The following MMP26 variants were observed in gnomAD, a reference collection of about 807,000 sequenced individuals.
The protein encoded by MMP26 is matrix metalloproteinase-26.
In MMP26, 33 loss-of-function variants were observed where a neutral mutation model predicts 31.0. The ratio of observed to expected loss-of-function variants is 1.06; its 90% CI spans 0.81 to 1.42. The LOEUF (loss-of-function observed/expected upper bound fraction) is 1.42. Among genes scored for constraint, MMP26 ranks in the 40% most tolerant of loss-of-function variants. The probability of loss-of-function intolerance (pLI) is 0.00; values close to 1 mark genes in which losing one functional copy is unlikely to be tolerated. For synonymous variants in MMP26, 122 were observed against 114.9 expected (o/e 1.06, Z -0.40); for missense variants, 347 against 316.1 (o/e 1.10, Z -0.74).
intron 2 of MMP26, among the ~76,000 whole-genome samples, chr11:4,850,750 A>T (rs898808767): frequency 2.0e-5 from 3 of 151,794 alleles, no homozygotes; most frequent in African/African-American, 7.2e-5. Context: ...CTTTCAAGCT[A>T]AAAAAGGAAG....
intron 2 of MMP26, among the ~76,000 whole-genome samples, chr11:4,966,698 C>T (rs769524124): frequency 6.6e-6 from 1 of 152,060 alleles, no homozygotes. Flanking sequence ...GTCTTTTTTT[C>T]ATCAAGGAAA....
intron 2 of MMP26, among the ~76,000 whole-genome samples, chr11:4,970,434 C>T (rs1052520777): frequency 2.6e-5 from 4 of 152,192 alleles, no homozygotes; most frequent in Admixed American, 1.3e-4. Context: ...AGTCTATTTT[C>T]AGTTAACCCT....
chr11:4,828,000 A>T (rs1767647613), intron 2 of MMP26, among the ~76,000 whole-genome samples: 1 of 152,188 alleles, frequency 6.6e-6, no homozygotes, highest in Non-Finnish European at 1.5e-5. Flanking sequence ...AGGATGTGCC[A>T]TAAGGCAAAC....
At chr11:4,872,878 T>C (rs1361943335) in intron 2 of MMP26, among the ~76,000 whole-genome samples, 1 of 152,040 alleles carries the variant, frequency 6.6e-6, no homozygotes, top group Non-Finnish European at 1.5e-5. Context: ...ATTATTTAGA[T>C]AGACAGAATT....
intron 2 of MMP26, among the ~76,000 whole-genome samples, chr11:4,884,692 A>G (rs1472645001): frequency 6.6e-6 from 1 of 152,124 alleles, no homozygotes; most frequent in Admixed American, 6.6e-5. Context: ...GACTTTTCTA[A>G]AAGTTCACCT....
chr11:4,820,313 T>A (rs1374155247), intron 2 of MMP26, among the ~76,000 whole-genome samples: 1 of 152,202 alleles, frequency 6.6e-6, no homozygotes, highest in Admixed American at 6.5e-5. Context: ...CTTTGTTGAA[T>A]AATAATGATT....
chr11:4,883,201 G>A (rs144241769), intron 2 of MMP26, among the ~76,000 whole-genome samples: 2 of 149,672 alleles, frequency 1.3e-5, no homozygotes, highest in South Asian at 2.1e-4. Flanking sequence ...TAGACCAGAA[G>A]TAAATTAAAA....
intron 2 of MMP26, among the ~76,000 whole-genome samples, chr11:4,900,997 C>T (rs1267840339): frequency 6.6e-6 from 1 of 152,128 alleles, no homozygotes; most frequent in East Asian, 1.9e-4. Context: ...GGCATACCAA[C>T]TTTACTCATT....
chr11:4,785,634 T>C (rs887876169), intron 2 of MMP26, among the ~76,000 whole-genome samples: 6 of 152,230 alleles, frequency 3.9e-5, no homozygotes, highest in African/African-American at 1.2e-4. Flanking sequence ...TTACAAATCC[T>C]AATTCACTAT....
At chr11:4,851,914 A>G (rs1440663322) in intron 2 of MMP26, among the ~76,000 whole-genome samples, 1 of 152,184 alleles carries the variant, frequency 6.6e-6, no homozygotes, top group Non-Finnish European at 1.5e-5. Flanking sequence ...CTAACAGAAA[A>G]CAAATAGCAA....
chr11:4,975,350 T>C (rs1846722769), intron 2 of MMP26, among the ~76,000 whole-genome samples: 1 of 151,998 alleles, frequency 6.6e-6, no homozygotes, highest in African/African-American at 2.4e-5. Context: ...TGTCAAGTGG[T>C]CCAACTACCA....
At chr11:4,842,312 G>A (rs549968027) in intron 2 of MMP26, among the ~76,000 whole-genome samples, 2 of 152,172 alleles carry the variant, frequency 1.3e-5, no homozygotes, top group African/African-American at 4.8e-5. Flanking sequence ...AAGCCTCATG[G>A]TATATTAGTT....
intron 1 of MMP26, among the ~76,000 whole-genome samples, chr11:4,761,531 C>G (rs959175178): frequency 6.6e-6 from 1 of 152,126 alleles, no homozygotes; most frequent in Admixed American, 6.6e-5. Context: ...CCCATTGGGT[C>G]AGTTAGCTAG....
chr11:4,786,046 T>C (rs1848939093), intron 2 of MMP26, among the ~76,000 whole-genome samples: 1 of 152,152 alleles, frequency 6.6e-6, no homozygotes. Context: ...TTGATGGACC[T>C]GGGGAAACTG....
intron 2 of MMP26, among the ~76,000 whole-genome samples, chr11:4,849,764 T>C (rs1449974234): frequency 1.3e-5 from 2 of 152,200 alleles, no homozygotes; most frequent in Non-Finnish European, 2.9e-5. Context: ...ATTTTTTACT[T>C]TTTTAAAAAT....
chr11:4,821,105 T>C (rs978038531), intron 2 of MMP26, among the ~76,000 whole-genome samples: 1 of 152,170 alleles, frequency 6.6e-6, no homozygotes, highest in Non-Finnish European at 1.5e-5. Flanking sequence ...GGAATTTTAC[T>C]GGGGATTTAT....
At position 4,948,008 on chromosome 11, in the gene MMP26, C is replaced by T. The variant is rs1211549432; in HGVS notation, c.-144-40060C>T. The stretch of plus-strand genomic sequence containing the variant: ...CAAGGAAGTGTTGCAGGACAAACAT[C>T]CTAGGACATAATGTGTTATCCTAGA... On this transcript the variant is annotated intron_variant, in intron 2 of 7. Transcript: ENST00000380390. Among the ~76,000 whole-genome samples the T allele has an allele frequency of 4.0e-5, 5 of 124,494 alleles. 1 individual carries two copies. Among genetic ancestry groups the T allele is most frequent in the African/African-American group, 1.1e-4 (4 of 36,754 alleles). The allele number at this position is 124,494 out of a possible 152,430, so 81.7% of individuals were successfully genotyped here.
chr11:4,832,644 T>G (rs1849661822), intron 2 of MMP26: 1 of 180,352 alleles, frequency 5.5e-6, no homozygotes. Flanking sequence ...GATACTGTAA[T>G]AAACACCTTT....
At chr11:4,777,460 G>A (rs376997792) in intron 2 of MMP26, among the ~76,000 whole-genome samples, 19 of 152,228 alleles carry the variant, frequency 1.2e-4, no homozygotes, top group East Asian at 7.7e-4. Context: ...TTAAATATTT[G>A]TAAGTAATTC....
Sources: gnomAD v4.1 joint callset for allele counts (sites outside exome capture counted in the v4.1 genomes callset) on GRCh38, gnomAD v4.1.1 for gene constraint, MANE v1.5 for transcripts, NCBI Gene and HGNC (gene_info 2026-07-23, HGNC 2026-07-21) for gene names.